Variants in TASP1 observed in about 807,000 individuals in gnomAD.
TASP1 encodes the protein taspase 1, also known as threonine aspartase 1.
In TASP1, 16 loss-of-function variants were observed where a neutral mutation model predicts 56.6. The ratio of observed to expected loss-of-function variants is 0.28; its 90% CI spans 0.19 to 0.43. The LOEUF (loss-of-function observed/expected upper bound fraction) is 0.43, where lower values mean the gene tolerates loss of function less well. TASP1 is among the 20% of genes least tolerant of loss of function. TASP1 has a pLI of 1.00. For synonymous variants in TASP1, 179 were observed against 184.2 expected (o/e 0.97, Z 0.23); for missense variants, 393 against 511.6 (o/e 0.77, Z 2.24).
chr20:13,317,275 C>T, the TASP1 span, among the ~76,000 whole-genome samples: 326 of 151,022 alleles, frequency 2.2e-3, no homozygotes, highest in African/African-American at 6.8e-3. Context: ...AAAAAAGCTA[C>T]AAATCTCTGA....
At chr20:13,632,648 T>C (rs2049142093) in intron 1 of TASP1, among the ~76,000 whole-genome samples, 1 of 152,200 alleles carries the variant, frequency 6.6e-6, no homozygotes, top group Admixed American at 6.5e-5. Context: ...AAAGTTCCAC[T>C]GGACTGGGAA....
chr20:13,492,369 T>C (rs1261836250), intron 10 of TASP1, among the ~76,000 whole-genome samples: 1 of 152,176 alleles, frequency 6.6e-6, no homozygotes, highest in Non-Finnish European at 1.5e-5. Flanking sequence ...TATTGCAACA[T>C]CTCTTTTTCA....
chr20:13,234,606 G>A, the TASP1 span, among the ~76,000 whole-genome samples: 181 of 152,194 alleles, frequency 1.2e-3, 5 homozygotes, highest in South Asian at 0.035. Flanking sequence ...CCATGTCCTC[G>A]CCAACATATG....
chr20:13,297,491 T>A, the TASP1 span, among the ~76,000 whole-genome samples: 230 of 152,348 alleles, frequency 1.5e-3, no homozygotes, highest in African/African-American at 5.3e-3. Flanking sequence ...TCTCAGGGTC[T>A]GGGGTAACCC....
At chr20:13,530,116 AGACTCTGC>A (rs2045163566) in intron 9 of TASP1, among the ~76,000 whole-genome samples, 1 of 152,132 alleles carries the variant, frequency 6.6e-6, no homozygotes, top group Non-Finnish European at 1.5e-5. Context: ...CTGTTCCCCA[AGACTCTGC>A]GATGCACAAA....
chr20:13,404,925 T>C (rs2041863402), intron 13 of TASP1, among the ~76,000 whole-genome samples: 1 of 152,218 alleles, frequency 6.6e-6, no homozygotes. Flanking sequence ...GTTATTGCCC[T>C]AGTCTTAATA....
the TASP1 span, chr20:13,117,596 T>TGG: frequency 1.2e-6 from 2 of 1,605,146 alleles, no homozygotes; most frequent in Non-Finnish European, 1.7e-6. Context: ...CTCACAGTAT[T>TGG]GGGGCCGTGG....
intron 4 of TASP1, among the ~76,000 whole-genome samples, chr20:13,618,863 T>C (rs62207620): frequency 4.6e-5 from 7 of 151,218 alleles, no homozygotes; most frequent in Non-Finnish European, 8.9e-5. Context: ...AAGCTATTCC[T>C]ATCACTATTC....
intron 6 of TASP1, 76 bp downstream of exon 6, chr20:13,580,821 G>A: frequency 6.9e-7 from 1 of 1,453,800 alleles, no homozygotes; most frequent in Non-Finnish European, 9.6e-7. Flanking sequence ...TACCTGGTAT[G>A]TAACCAACAG....
intron 7 of TASP1, among the ~76,000 whole-genome samples, chr20:13,563,694 A>G (rs2046423816): frequency 2.0e-5 from 3 of 150,884 alleles, no homozygotes; most frequent in African/African-American, 7.3e-5. Flanking sequence ...TAACAGAGAC[A>G]GGGCCTCACT....
intron 11 of TASP1, among the ~76,000 whole-genome samples, chr20:13,437,545 A>G (rs918733217): frequency 6.6e-6 from 1 of 152,194 alleles, no homozygotes; most frequent in Non-Finnish European, 1.5e-5. Context: ...AGGGTATTCA[A>G]TTACGAAAAG....
intron 12 of TASP1, among the ~76,000 whole-genome samples, chr20:13,429,412 G>A (rs2042725268): frequency 1.3e-5 from 2 of 152,092 alleles, no homozygotes; most frequent in African/African-American, 4.8e-5. Flanking sequence ...CATTGAGAAT[G>A]AATGAAGAGA....
chr20:13,612,785 A>G (rs1300296581), intron 4 of TASP1, among the ~76,000 whole-genome samples: 1 of 152,190 alleles, frequency 6.6e-6, no homozygotes, highest in Non-Finnish European at 1.5e-5. Context: ...TCAGATGGAC[A>G]GGGTTTACGG....
the TASP1 span, among the ~76,000 whole-genome samples, chr20:13,170,946 C>A: frequency 6.6e-6 from 1 of 152,340 alleles, no homozygotes. Flanking sequence ...TGAAATCAAT[C>A]TACCCTACAA....
chr20:13,540,362 T>A (rs998639212), intron 8 of TASP1, among the ~76,000 whole-genome samples: 1 of 152,206 alleles, frequency 6.6e-6, no homozygotes, highest in African/African-American at 2.4e-5. Context: ...AATATAAACC[T>A]ACCTATGACC....
the TASP1 span, among the ~76,000 whole-genome samples, chr20:13,160,504 A>G: frequency 6.6e-6 from 1 of 152,234 alleles, no homozygotes; most frequent in African/African-American, 2.4e-5. Flanking sequence ...CTGCCATAAT[A>G]AAATATGACC....
At chr20:13,421,814 C>T (rs547551502) in intron 12 of TASP1, among the ~76,000 whole-genome samples, 74 of 152,242 alleles carry the variant, frequency 4.9e-4, no homozygotes, top group Admixed American at 2.4e-3. Context: ...CTCTGTAATG[C>T]TGATGAACAC....
intron 1 of TASP1, among the ~76,000 whole-genome samples, chr20:13,632,621 C>G (rs1198295991): frequency 1.3e-5 from 2 of 152,126 alleles, no homozygotes; most frequent in African/African-American, 4.8e-5. Context: ...ACAAACCCCT[C>G]CAAAAATCCT....
the TASP1 span, among the ~76,000 whole-genome samples, chr20:13,305,755 A>G: frequency 6.6e-6 from 1 of 152,244 alleles, no homozygotes; most frequent in Non-Finnish European, 1.5e-5. Context: ...TCAGAAGGTA[A>G]GATTTTTAAG....
Sources: allele counts gnomAD v4.1 joint callset (sites outside exome capture counted in the v4.1 genomes callset), GRCh38; gene constraint gnomAD v4.1.1; transcripts MANE v1.5; gene names NCBI Gene and HGNC (gene_info 2026-07-23, HGNC 2026-07-21).